SCN9A: variants seen among roughly 807,000 people sequenced by gnomAD.
SCN9A encodes sodium channel protein type 9 subunit alpha.
Under a neutral mutation model 187.0 loss-of-function variants are expected in SCN9A, and 131 were observed. That is an observed-to-expected ratio of 0.70 (90% confidence interval 0.61 to 0.81). The LOEUF (loss-of-function observed/expected upper bound fraction) is 0.81, where lower values mean the gene tolerates loss of function less well. Ranked by LOEUF, SCN9A falls within the 30% of genes least tolerant of loss-of-function variation. SCN9A has a pLI of 0.00. For missense variants in SCN9A, 2,252 were observed against 2,396.6 expected, an observed-to-expected ratio of 0.94 and a Z score of 1.26; for synonymous variants, 809 against 808.6, an observed-to-expected ratio of 1.00 and a Z score of -0.01.
intron 12 of SCN9A, among the ~76,000 whole-genome samples, chr2:166,282,018 T>C (rs1269755806): frequency 6.6e-6 from 1 of 152,198 alleles, no homozygotes. Flanking sequence ...GGGATAATCA[T>C]AGTGCTTGCT....
intron 19 of SCN9A, 109 bp downstream of exon 19, chr2:166,242,393 T>C (rs766793553): frequency 7.9e-5 from 77 of 971,954 alleles, no homozygotes; most frequent in Non-Finnish European, 1.1e-4. Context: ...GCACTAATCA[T>C]AGGGATTAAT....
intron 1 of SCN9A, among the ~76,000 whole-genome samples, chr2:166,374,275 T>G (rs1700633699): frequency 6.6e-6 from 1 of 152,202 alleles, no homozygotes; most frequent in African/African-American, 2.4e-5. Context: ...GTGGCTTACT[T>G]AAGGAAACCT....
chr2:166,308,925 C>CAAAAAAAAAAAAAA (rs397986566), intron 2 of SCN9A, among the ~76,000 whole-genome samples: 1 of 78,154 alleles, frequency 1.3e-5, no homozygotes. Context: ...GACTCTGTCT[C>CAAAAAAAAAAAAAA]AAAAAAAAAA....
intron 1 of SCN9A, among the ~76,000 whole-genome samples, chr2:166,318,806 T>A (rs1244717068): frequency 6.6e-6 from 1 of 152,100 alleles, no homozygotes; most frequent in Non-Finnish European, 1.5e-5. Flanking sequence ...TGGGAAAATA[T>A]GTATATGTAA....
intron 1 of SCN9A, among the ~76,000 whole-genome samples, chr2:166,348,053 T>C (rs1699944529): frequency 6.6e-6 from 1 of 152,134 alleles, no homozygotes; most frequent in Non-Finnish European, 1.5e-5. Flanking sequence ...TATGGCAAGA[T>C]GGTAGGTTCT....
In SCN9A at chr2:166,350,937, C is replaced by T. The variant is rs566793485; in HGVS notation, c.-51+24760G>A. ...AAATATAAAGCGAATGCTATTTTGA[C>T]GGTGACTTTTTTTATAATATTTTTA... On this transcript the variant is annotated intron_variant, in intron 1 of 26. Transcript: ENST00000642356. Among the ~76,000 whole-genome samples, 225 of 152,162 alleles carry T rather than the reference C, an allele frequency of 1.5e-3. 1 individual carries two copies. The highest frequency in any genetic ancestry group is 4.6e-3 in the African/African-American group (192 of 41,542).
At chr2:166,373,589 C>T (rs1700616021) in intron 1 of SCN9A, among the ~76,000 whole-genome samples, 1 of 151,920 alleles carries the variant, frequency 6.6e-6, no homozygotes. Context: ...TACTTACAGG[C>T]TGGAAAGGGC....
At chr2:166,344,216 AG>A (rs1405128148) in intron 1 of SCN9A, among the ~76,000 whole-genome samples, 2 of 152,214 alleles carry the variant, frequency 1.3e-5, no homozygotes, top group African/African-American at 4.8e-5. Flanking sequence ...ATGAAGTATA[AG>A]GTTAAAAGTA....
At chr2:166,251,691 A>G (rs1281339019) in intron 18 of SCN9A, 74 bp downstream of exon 18, 1 of 1,518,254 alleles carries the variant, frequency 6.6e-7, no homozygotes, top group Non-Finnish European at 9.1e-7. Flanking sequence ...AACCTCTGGT[A>G]AGTATTAGGC....
intron 3 of SCN9A, 62 bp from the exon 4 acceptor site, chr2:166,306,661 A>C (rs1698768715): frequency 6.9e-6 from 8 of 1,158,030 alleles, no homozygotes; most frequent in Non-Finnish European, 1.0e-5. Context: ...TGAGGATGAC[A>C]CTTGTTGAAA....
intron 1 of SCN9A, among the ~76,000 whole-genome samples, chr2:166,371,401 G>T (rs1700559613): frequency 6.6e-6 from 1 of 152,060 alleles, no homozygotes; most frequent in South Asian, 2.1e-4. Flanking sequence ...CACCCAGAAG[G>T]GTTTCATTCC....
At chr2:166,266,944 C>T (rs539545329) in intron 17 of SCN9A, among the ~76,000 whole-genome samples, 5 of 151,980 alleles carry the variant, frequency 3.3e-5, no homozygotes, top group Admixed American at 6.6e-5. Context: ...AAATCTACTA[C>T]TTTTTTTCAT....
At chr2:166,319,430 T>G (rs946827464) in intron 1 of SCN9A, among the ~76,000 whole-genome samples, 3 of 151,992 alleles carry the variant, frequency 2.0e-5, no homozygotes, top group Non-Finnish European at 4.4e-5. Flanking sequence ...GGGAATTTGT[T>G]TCTTTAGAAC....
chr2:166,240,628 G>A (rs2106407445), intron 19 of SCN9A, among the ~76,000 whole-genome samples: 1 of 152,252 alleles, frequency 6.6e-6, no homozygotes, highest in East Asian at 1.9e-4. Context: ...ACACTATCAT[G>A]ATTTCTACTT....
chr2:166,263,293 G>A (rs180938264), intron 17 of SCN9A, among the ~76,000 whole-genome samples: 16 of 151,978 alleles, frequency 1.1e-4, no homozygotes, highest in South Asian at 4.2e-4. Context: ...GTTACGTTTC[G>A]TTCCTGAAAA....
At chr2:166,356,937 T>C (rs1700163675) in intron 1 of SCN9A, among the ~76,000 whole-genome samples, 1 of 152,332 alleles carries the variant, frequency 6.6e-6, no homozygotes, top group Non-Finnish European at 1.5e-5. Context: ...TTTCTTTTTT[T>C]AACCTACTCT....
At chr2:166,334,616 A>T (rs1005821200) in intron 1 of SCN9A, among the ~76,000 whole-genome samples, 1 of 152,118 alleles carries the variant, frequency 6.6e-6, no homozygotes, top group Non-Finnish European at 1.5e-5. Context: ...AAATTATTAT[A>T]CGAGTAAAGG....
chr2:166,294,716 G>T, intron 7 of SCN9A, 54 bp from the exon 8 acceptor site: 1 of 1,256,330 alleles, frequency 8.0e-7, no homozygotes, highest in Non-Finnish European at 1.1e-6. Flanking sequence ...ATCTGTGATT[G>T]TGATAAAGGA....
At chr2:166,263,703 T>C (rs1696610060) in intron 17 of SCN9A, among the ~76,000 whole-genome samples, 1 of 151,986 alleles carries the variant, frequency 6.6e-6, no homozygotes, top group South Asian at 2.1e-4. Context: ...GGAAATATGG[T>C]CTTTGCAGAC....
Sources: allele counts gnomAD v4.1 joint callset (sites outside exome capture counted in the v4.1 genomes callset), GRCh38; gene constraint gnomAD v4.1.1; transcripts MANE v1.5; gene names NCBI Gene and HGNC (gene_info 2026-07-23, HGNC 2026-07-21).